PLXNA2: variants seen among roughly 807,000 people sequenced by gnomAD.
PLXNA2 encodes plexin-A2.
PLXNA2 carries 91 observed loss-of-function variants against 193.5 expected under a neutral mutation model. That is an observed-to-expected ratio of 0.47 (90% confidence interval 0.40 to 0.56). PLXNA2 has a LOEUF of 0.56. Among genes scored for constraint, PLXNA2 ranks in the 20% least tolerant of loss-of-function variants. PLXNA2 has a pLI of 0.00. For missense variants in PLXNA2, 1,995 were observed against 2,503.2 expected (o/e 0.80, Z 4.33); for synonymous variants, 997 against 1,027.3 (o/e 0.97, Z 0.56).
chr1:208,190,324 C>A (rs1227495107), intron 3 of PLXNA2, among the ~76,000 whole-genome samples: 5 of 152,142 alleles, frequency 3.3e-5, no homozygotes, highest in Admixed American at 6.5e-5. Context: ...GTTTGCTTTT[C>A]AAATCCACTA....
At chr1:208,124,731 A>G (rs989580792) in intron 4 of PLXNA2, among the ~76,000 whole-genome samples, 7 of 151,862 alleles carry the variant, frequency 4.6e-5, no homozygotes, top group Non-Finnish European at 8.8e-5. Context: ...TGTTTTAGGC[A>G]AGCCCAACTA....
chr1:208,195,768 G>A (rs1167298239), intron 3 of PLXNA2, among the ~76,000 whole-genome samples: 1 of 152,026 alleles, frequency 6.6e-6, no homozygotes, highest in Non-Finnish European at 1.5e-5. Flanking sequence ...AAATACTGGG[G>A]AGGCATCAAG....
In PLXNA2 at chr1:208,027,656, T is replaced by C. The variant is rs111592258; in HGVS notation, c.5590-318A>G. Among the ~76,000 whole-genome samples the C allele has an allele frequency of 8.5e-3, 1,298 of 152,328 alleles. 14 individuals carry two copies. The highest frequency in any genetic ancestry group is 0.032 in the South Asian group (155 of 4,822). ...CCAAAGGTATCCTAATCAATCTCTA[T>C]TCATATTAGGGTCCACCTGTCTATC... On this transcript the variant is annotated intron_variant, in intron 31 of 31. Coordinates refer to ENST00000367033, the MANE Select transcript of PLXNA2 (RefSeq NM_025179.4).
At chr1:208,155,972 G>A (rs1571977315) in intron 3 of PLXNA2, among the ~76,000 whole-genome samples, 1 of 152,204 alleles carries the variant, frequency 6.6e-6, no homozygotes, top group Non-Finnish European at 1.5e-5. Context: ...TCCCCATGAA[G>A]CGCAGTGAAG....
intron 9 of PLXNA2, among the ~76,000 whole-genome samples, chr1:208,087,523 A>G (rs1412738048): frequency 6.6e-6 from 1 of 152,218 alleles, no homozygotes; most frequent in Non-Finnish European, 1.5e-5. Flanking sequence ...CCAGGCCCCA[A>G]GATTGCCCTA....
chr1:208,087,357 T>C (rs1376020351), intron 9 of PLXNA2, among the ~76,000 whole-genome samples: 2 of 151,594 alleles, frequency 1.3e-5, no homozygotes, highest in Non-Finnish European at 2.9e-5. Flanking sequence ...AGCCTGGAGG[T>C]TGGAGAATCA....
chr1:208,036,258 G>T (rs763101837), intron 26 of PLXNA2, among the ~76,000 whole-genome samples: 1 of 152,202 alleles, frequency 6.6e-6, no homozygotes, highest in Non-Finnish European at 1.5e-5. Flanking sequence ...CTCCCAGGGA[G>T]AACAGATTAC....
chr1:208,046,054 G>C lies in PLXNA2; in HGVS notation c.3319C>G (p.Arg1107Gly), dbSNP rs1160182065. The C allele has an allele frequency of 6.2e-7, 1 of 1,614,238 alleles. No individual in the cohort carries two copies. Among genetic ancestry groups the C allele is most frequent in the South Asian group, 1.1e-5 (1 of 91,086 alleles). ...CLAPSLTTDY[R>G]PGLDTVERPD... ...CGTTCCACAGTGTCCAGGCCAGGGC[G>C]GTAGTCCGTGGTCAGAGAGGGTGCC... The change falls in exon 18 of 32, where the codon CGC becomes GGC. Residue 1107 changes from arginine to glycine, a missense_variant. Coordinates refer to ENST00000367033, the MANE Select transcript of PLXNA2 (RefSeq NM_025179.4).
intron 2 of PLXNA2, among the ~76,000 whole-genome samples, chr1:208,211,917 C>T (rs186045552): frequency 1.3e-5 from 2 of 152,328 alleles, no homozygotes; most frequent in South Asian, 2.1e-4. Context: ...GAGGCAGGGG[C>T]TGCTGAGGGG....
At chr1:208,035,854 C>T (rs927667743) in intron 26 of PLXNA2, among the ~76,000 whole-genome samples, 1 of 152,178 alleles carries the variant, frequency 6.6e-6, no homozygotes, top group Admixed American at 6.5e-5. Flanking sequence ...TTAGTGCTAA[C>T]GAGATTCCCT....
chr1:208,235,965 A>G (rs765653061), intron 1 of PLXNA2, among the ~76,000 whole-genome samples: 10 of 152,164 alleles, frequency 6.6e-5, no homozygotes, highest in Non-Finnish European at 1.3e-4. Context: ...CTGGGTTTTA[A>G]TGTCACAGAG....
At chr1:208,060,599 G>A in intron 13 of PLXNA2, 87 bp downstream of exon 13, 1 of 1,354,438 alleles carries the variant, frequency 7.4e-7, no homozygotes, top group Non-Finnish European at 1.0e-6. Context: ...GATCAATCAT[G>A]GAAAAGGCCC....
At chr1:208,146,849 C>T (rs915862115) in intron 3 of PLXNA2, among the ~76,000 whole-genome samples, 4 of 152,106 alleles carry the variant, frequency 2.6e-5, no homozygotes, top group African/African-American at 9.7e-5. Context: ...GAATGAGTCA[C>T]TGGAGTGTGT....
At chr1:208,117,173 A>G (rs1175048778) in intron 4 of PLXNA2, among the ~76,000 whole-genome samples, 1 of 152,166 alleles carries the variant, frequency 6.6e-6, no homozygotes, top group African/African-American at 2.4e-5. Flanking sequence ...TCTGTCTCAC[A>G]TAAAAAAAAG....
intron 13 of PLXNA2, among the ~76,000 whole-genome samples, chr1:208,058,269 T>C (rs1034155685): frequency 6.6e-6 from 1 of 152,210 alleles, no homozygotes; most frequent in Non-Finnish European, 1.5e-5. Context: ...ATGCATCCCA[T>C]GGTCCAGGAA....
chr1:208,108,564 C>T (rs1009814407), intron 4 of PLXNA2, among the ~76,000 whole-genome samples: 1 of 152,194 alleles, frequency 6.6e-6, no homozygotes, highest in African/African-American at 2.4e-5. Context: ...TGGTTCTGAG[C>T]TCTTCTATGG....
intron 28 of PLXNA2, 36 bp from the exon 29 acceptor site, chr1:208,031,795 G>A (rs745738735): frequency 2.0e-6 from 3 of 1,503,196 alleles, no homozygotes; most frequent in Non-Finnish European, 2.7e-6. Context: ...GATGGAGGGG[G>A]GTGACGGCAG....
At chr1:208,232,246 C>T (rs928729031) in intron 1 of PLXNA2, among the ~76,000 whole-genome samples, 1 of 152,202 alleles carries the variant, frequency 6.6e-6, no homozygotes, top group African/African-American at 2.4e-5. Context: ...TCTCCCTCTC[C>T]CCAGCCGGCC....
chr1:208,199,418 C>T (rs550518014), intron 3 of PLXNA2, among the ~76,000 whole-genome samples: 3 of 152,330 alleles, frequency 2.0e-5, no homozygotes, highest in Non-Finnish European at 4.4e-5. Context: ...TTAGGCCGGG[C>T]GCAGTGGCTC....
Sources: allele counts gnomAD v4.1 joint callset (sites outside exome capture counted in the v4.1 genomes callset), GRCh38; gene constraint gnomAD v4.1.1; transcripts MANE v1.5; gene names NCBI Gene and HGNC (gene_info 2026-07-23, HGNC 2026-07-21).